The following RBM20 variants were observed in gnomAD, a reference collection of about 807,000 sequenced individuals.
RBM20 encodes the protein RNA-binding protein 20.
A neutral mutation model predicts 110.1 loss-of-function variants in RBM20; 51 were observed. The ratio of observed to expected loss-of-function variants is 0.46; its 90% CI spans 0.37 to 0.59. The LOEUF (loss-of-function observed/expected upper bound fraction) is 0.59. Among genes scored for constraint, RBM20 ranks in the 20% least tolerant of loss-of-function variants. RBM20 has a pLI of 0.00. For synonymous variants in RBM20, 589 were observed against 618.2 expected (o/e 0.95, Z 0.70); for missense variants, 1,512 against 1,574.9 (o/e 0.96, Z 0.68).
intron 12 of RBM20, among the ~76,000 whole-genome samples, chr10:110,830,250 A>G (rs1247630561): frequency 6.6e-6 from 1 of 152,180 alleles, no homozygotes; most frequent in African/African-American, 2.4e-5. Context: ...TGGAGCAGCC[A>G]CCATCCCTTC....
chr10:110,760,319 C>T (rs543819332), intron 1 of RBM20, among the ~76,000 whole-genome samples: 14 of 151,650 alleles, frequency 9.2e-5, no homozygotes, highest in African/African-American at 3.4e-4. Flanking sequence ...GAAATCCCTT[C>T]TCCCTTCTTG....
At chr10:110,643,346 T>G (rs1475615957), upstream of RBM20, among the ~76,000 whole-genome samples, 1 of 152,250 alleles carries the variant, frequency 6.6e-6, no homozygotes. Context: ...GCCTCGCATA[T>G]TCGCACCCAC....
chr10:110,744,419 A>T (rs1278516117), intron 1 of RBM20, among the ~76,000 whole-genome samples: 2 of 152,188 alleles, frequency 1.3e-5, no homozygotes, highest in East Asian at 3.9e-4. Context: ...AAGGTGATGA[A>T]AGGTGAAGGT....
chr10:110,707,607 C>T (rs952558456), intron 1 of RBM20, among the ~76,000 whole-genome samples: 1 of 148,616 alleles, frequency 6.7e-6, no homozygotes, highest in African/African-American at 2.5e-5. Flanking sequence ...TTTGCAATAA[C>T]ATGAATGAAA....
chr10:110,652,287 T>C (rs2134807388), intron 1 of RBM20, among the ~76,000 whole-genome samples: 1 of 152,316 alleles, frequency 6.6e-6, no homozygotes, highest in Admixed American at 6.5e-5. Flanking sequence ...CCTGCCAGCC[T>C]TAAAAAACAT....
intron 1 of RBM20, among the ~76,000 whole-genome samples, chr10:110,742,297 T>G (rs1370101720): frequency 1.3e-5 from 2 of 152,190 alleles, no homozygotes; most frequent in Non-Finnish European, 2.9e-5. Context: ...GACTTTCACT[T>G]TTCAGTAGCT....
At chr10:110,648,472 T>C (rs558918251) in intron 1 of RBM20, among the ~76,000 whole-genome samples, 19 of 152,168 alleles carry the variant, frequency 1.2e-4, no homozygotes, top group Non-Finnish European at 2.2e-4. Flanking sequence ...AGAGAAGAAA[T>C]AAGAATTTGC....
chr10:110,760,875 T>C (rs1420629770), intron 1 of RBM20, among the ~76,000 whole-genome samples: 1 of 150,734 alleles, frequency 6.6e-6, no homozygotes, highest in Non-Finnish European at 1.5e-5. Flanking sequence ...AGGCAGATCA[T>C]GAGGTCAGGA....
intron 3 of RBM20, 27 bp downstream of exon 3, chr10:110,783,454 C>A: frequency 6.6e-7 from 1 of 1,516,760 alleles, no homozygotes; most frequent in Non-Finnish European, 9.0e-7. Flanking sequence ...AGGACAGGCT[C>A]ATGCGTAGGC....
chr10:110,834,776 A>G (rs1564669375), intron 13 of RBM20, among the ~76,000 whole-genome samples: 2 of 152,156 alleles, frequency 1.3e-5, no homozygotes, highest in African/African-American at 4.8e-5. Flanking sequence ...TCTGTCTCCT[A>G]ATCCAGTGCT....
At chr10:110,667,106 C>T (rs1862189779) in intron 1 of RBM20, among the ~76,000 whole-genome samples, 1 of 152,164 alleles carries the variant, frequency 6.6e-6, no homozygotes, top group Non-Finnish European at 1.5e-5. Flanking sequence ...TTCAACCAAC[C>T]TCATTTGGCT....
intron 5 of RBM20, among the ~76,000 whole-genome samples, chr10:110,791,651 C>A (rs1439554214): frequency 6.6e-6 from 1 of 152,202 alleles, no homozygotes; most frequent in African/African-American, 2.4e-5. Flanking sequence ...GGGACCCAGC[C>A]ATATGAACGA....
intron 1 of RBM20, among the ~76,000 whole-genome samples, chr10:110,730,063 C>G (rs531212775): frequency 1.2e-4 from 19 of 152,262 alleles, no homozygotes; most frequent in Non-Finnish European, 2.5e-4. Flanking sequence ...GGTGATCCAC[C>G]CGCCTTGACC....
intron 1 of RBM20, among the ~76,000 whole-genome samples, chr10:110,667,475 C>G (rs1327995033): frequency 3.9e-5 from 6 of 152,164 alleles, no homozygotes; most frequent in Non-Finnish European, 7.4e-5. Context: ...AAGATCCTGC[C>G]TCGGTGGGTG....
Position 110,783,412 on chromosome 10 carries a change from TGG to T in RBM20, c.1323_1324del (p.Val442LeufsTer3), listed in dbSNP as rs1844379401. The T allele has an allele frequency of 6.4e-7, 1 of 1,550,946 alleles. No homozygotes were observed. Among genetic ancestry groups the T allele is most frequent in the Non-Finnish European group, 8.7e-7 (1 of 1,146,506 alleles). On this transcript the variant is annotated frameshift_variant, in exon 3 of 14. Transcript: ENST00000369519. LOFTEE classifies it high-confidence loss of function. Reference sequence around the variant, plus strand: ...GGGAAGCTGCACGCTCAGAAATGCCTGGTCTTCTCTGAAAAGTAAGTGCTGTT... The same window carrying T: ...GGGAAGCTGCACGCTCAGAAATGCCTTCTTCTCTGAAAAGTAAGTGCTGTT...
At chr10:110,775,336 A>G (rs1221494414) in intron 1 of RBM20, among the ~76,000 whole-genome samples, 1 of 152,188 alleles carries the variant, frequency 6.6e-6, no homozygotes, top group African/African-American at 2.4e-5. Context: ...GTTATCTTGG[A>G]AGATATTGTG....
intron 1 of RBM20, among the ~76,000 whole-genome samples, chr10:110,742,656 A>G (rs79769594): frequency 0.018 from 2,668 of 152,340 alleles, 88 homozygotes; most frequent in African/African-American, 0.06. Flanking sequence ...TTTACAAAAG[A>G]CAAAATAAAA....
intron 12 of RBM20, among the ~76,000 whole-genome samples, chr10:110,824,872 A>G (rs535683219): frequency 3.0e-4 from 46 of 152,318 alleles, no homozygotes; most frequent in African/African-American, 1.1e-3. Context: ...AGCACGGGTC[A>G]TCTGATGCCT....
rs115184965 is a variant in RBM20, at chr10:110,713,526, C to T, written c.192-67275C>T. Among the ~76,000 whole-genome samples, 1,489 of 152,270 alleles carry T rather than the reference C, an allele frequency of 9.8e-3. 15 individuals are homozygous for T. The highest frequency in any genetic ancestry group is 0.021 in the African/African-American group (872 of 41,540). ...GTCCCTTATGACACTTTGCACGCTACAGGGGCAGAGTAGTCATTTAATAAT... is the reference window on the plus strand; with the variant it reads ...GTCCCTTATGACACTTTGCACGCTATAGGGGCAGAGTAGTCATTTAATAAT... On this transcript the variant is annotated intron_variant, in intron 1 of 13. Coordinates refer to ENST00000369519, the MANE Select transcript of RBM20 (RefSeq NM_001134363.3).
Sources: allele counts gnomAD v4.1 joint callset (sites outside exome capture counted in the v4.1 genomes callset), GRCh38; gene constraint gnomAD v4.1.1; transcripts MANE v1.5; gene names NCBI Gene and HGNC (gene_info 2026-07-23, HGNC 2026-07-21).